FUT8: variants seen among roughly 807,000 people sequenced by gnomAD.
FUT8 encodes fucosyltransferase 8, also known as alpha-(1,6)-fucosyltransferase.
FUT8 carries 29 observed loss-of-function variants against 71.3 expected under a neutral mutation model. The observed-to-expected ratio is 0.41, with a 90% CI of 0.30 to 0.55. The LOEUF is 0.55. FUT8 is among the 20% of genes least tolerant of loss of function. The probability of loss-of-function intolerance (pLI) is 0.34; values close to 1 mark genes in which losing one functional copy is unlikely to be tolerated. For synonymous variants in FUT8, 254 were observed against 239.3 expected, an observed-to-expected ratio of 1.06 and a Z score of -0.57; for missense variants, 544 against 702.1, an observed-to-expected ratio of 0.77 and a Z score of 2.55.
chr14:65,424,658 C>T (rs2065356148), intron 1 of FUT8, among the ~76,000 whole-genome samples: 1 of 151,394 alleles, frequency 6.6e-6, no homozygotes, highest in Non-Finnish European at 1.5e-5. Context: ...CTACCTCAGC[C>T]TCCCGTCTTT....
chr14:65,641,637 C>CT (rs1318497630), intron 6 of FUT8, among the ~76,000 whole-genome samples: 1 of 151,924 alleles, frequency 6.6e-6, no homozygotes, highest in African/African-American at 2.4e-5. Context: ...CCAGCAGTGT[C>CT]TGAGACTTTT....
chr14:65,729,666 C>T (rs1302340065), intron 9 of FUT8, among the ~76,000 whole-genome samples: 16 of 152,212 alleles, frequency 1.1e-4, no homozygotes, highest in African/African-American at 3.9e-4. Context: ...AGGCACATGC[C>T]ACCACACTCA....
At chr14:65,450,221 G>A (rs1041376500) in intron 1 of FUT8, among the ~76,000 whole-genome samples, 12 of 151,864 alleles carry the variant, frequency 7.9e-5, no homozygotes, top group Non-Finnish European at 1.5e-4. Context: ...TAATGGTGTG[G>A]GTAAAAATGA....
chr14:65,381,042 T>C, the FUT8 span, among the ~76,000 whole-genome samples: 23 of 152,212 alleles, frequency 1.5e-4, no homozygotes. Context: ...GTCCTAGCCC[T>C]TGATAGATTT....
chr14:65,461,302 T>A (rs1337135933), intron 2 of FUT8, among the ~76,000 whole-genome samples: 1 of 152,216 alleles, frequency 6.6e-6, no homozygotes. Context: ...GTCCTTCTTA[T>A]AAGGATTCCA....
chr14:65,537,282 T>C (rs1884378608), intron 2 of FUT8, among the ~76,000 whole-genome samples: 1 of 151,966 alleles, frequency 6.6e-6, no homozygotes, highest in African/African-American at 2.4e-5. Context: ...TTAAGAACCC[T>C]TGCTGGAGAA....
intron 3 of FUT8, among the ~76,000 whole-genome samples, chr14:65,594,361 A>G (rs1248553691): frequency 6.6e-6 from 1 of 152,194 alleles, no homozygotes; most frequent in Non-Finnish European, 1.5e-5. Flanking sequence ...CAGCGATGAC[A>G]GGAGTAAACT....
chr14:65,682,802 TA>T (rs890597102), intron 7 of FUT8, among the ~76,000 whole-genome samples: 2 of 152,186 alleles, frequency 1.3e-5, no homozygotes, highest in African/African-American at 4.8e-5. Flanking sequence ...CAGTTGTGAA[TA>T]AAAAATTGGT....
At chr14:65,443,339 G>A (rs1485201390) in intron 1 of FUT8, among the ~76,000 whole-genome samples, 1 of 151,968 alleles carries the variant, frequency 6.6e-6, no homozygotes, top group East Asian at 1.9e-4. Context: ...GAACCCTGGA[G>A]GTGGAGCTTG....
the FUT8 span, among the ~76,000 whole-genome samples, chr14:65,373,699 T>C: frequency 6.6e-6 from 1 of 152,150 alleles, no homozygotes; most frequent in African/African-American, 2.4e-5. Context: ...CCCATTTCAA[T>C]TGTATGGGAT....
Position 65,627,067 on chromosome 14 carries a change from C to T in FUT8, c.483-2425C>T, listed in dbSNP as rs56350757. Among the ~76,000 whole-genome samples, 1,137 of 151,978 alleles carry T rather than the reference C, an allele frequency of 7.5e-3. 8 individuals carry two copies. Among genetic ancestry groups the T allele is most frequent in the African/African-American group, 0.022 (928 of 41,462 alleles). On this transcript the variant is annotated intron_variant, in intron 5 of 10. Coordinates refer to ENST00000673929, the MANE Select transcript of FUT8 (RefSeq NM_001371533.1). This position sits in a 1 kb window ranked among gnomAD's most constrained non-coding sequence, Gnocchi z 4.0. ...TTTTCATTCATCTAAAGATATTTAT[C>T]GAATATTTTGTCTGTGACATGCACT...
At chr14:65,370,366 C>T in the FUT8 span, among the ~76,000 whole-genome samples, 1 of 151,664 alleles carries the variant, frequency 6.6e-6, no homozygotes, top group African/African-American at 2.4e-5. Flanking sequence ...TGCCACCAGG[C>T]CCGGCTAATT....
intron 2 of FUT8, among the ~76,000 whole-genome samples, chr14:65,542,075 C>T (rs959452125): frequency 1.3e-5 from 2 of 152,062 alleles, no homozygotes; most frequent in Non-Finnish European, 2.9e-5. Context: ...CTACCTACGT[C>T]GTAAGGGTAT....
At chr14:65,415,432 C>G (rs1034012780) in intron 1 of FUT8, among the ~76,000 whole-genome samples, 2 of 152,152 alleles carry the variant, frequency 1.3e-5, no homozygotes, top group African/African-American at 4.8e-5. Context: ...GGATTTCTCA[C>G]TTAAAAATCT....
At chr14:65,455,360 C>T (rs1370801642) in intron 1 of FUT8, among the ~76,000 whole-genome samples, 2 of 152,110 alleles carry the variant, frequency 1.3e-5, no homozygotes, top group Admixed American at 6.5e-5. Flanking sequence ...GTTATATGAG[C>T]GCTAACTTAT....
In FUT8 at chr14:65,668,997, A is replaced by G. The variant is rs138326212; in HGVS notation, c.598-246A>G. 4.6e-5 allele frequency among the ~76,000 whole-genome samples: 7 copies of G among 152,224 alleles called. No individual in the cohort carries two copies. In the East Asian group the frequency reaches 1.4e-3, roughly 29 times the overall value. On this transcript the variant is annotated intron_variant, in intron 6 of 10. Transcript: ENST00000673929. ...AAACATTGAGTACATATAGACACAA[A>G]TAAGAGAATAGTAGACACTGGGGCC...
At chr14:65,732,717 T>C (rs139726112) in intron 9 of FUT8, among the ~76,000 whole-genome samples, 2,608 of 152,310 alleles carry the variant, frequency 0.017, 34 homozygotes, top group Middle Eastern at 0.041. Context: ...AGACTGTTAG[T>C]TCTCACAAAT....
chr14:65,521,864 T>TC, intron 2 of FUT8, among the ~76,000 whole-genome samples: 1 of 128,612 alleles, frequency 7.8e-6, no homozygotes, highest in Non-Finnish European at 1.8e-5. Flanking sequence ...GGAGGAATCT[T>TC]CTTCTTTTTT....
At chr14:65,503,883 A>G (rs1022529076) in intron 2 of FUT8, among the ~76,000 whole-genome samples, 1 of 152,234 alleles carries the variant, frequency 6.6e-6, no homozygotes, top group African/African-American at 2.4e-5. Context: ...AGGATCCTTA[A>G]CAAAGCATTT....
Sources: gnomAD v4.1 joint callset for allele counts (sites outside exome capture counted in the v4.1 genomes callset) on GRCh38, gnomAD v4.1.1 for gene constraint, Gnocchi (gnomAD v3.1) non-coding constraint, MANE v1.5 for transcripts, NCBI Gene and HGNC (gene_info 2026-07-23, HGNC 2026-07-21) for gene names.